The following PPM1L variants were observed in gnomAD, a reference collection of about 807,000 sequenced individuals.
The protein encoded by PPM1L is protein phosphatase 1L.
A neutral mutation model predicts 31.4 loss-of-function variants in PPM1L; 13 were observed. That is an observed-to-expected ratio of 0.41 (90% confidence interval 0.27 to 0.66). PPM1L has a LOEUF of 0.66. PPM1L is among the 30% of genes least tolerant of loss of function. The probability of loss-of-function intolerance (pLI) is 0.29; values close to 1 mark genes in which losing one functional copy is unlikely to be tolerated. For synonymous variants in PPM1L, 184 were observed against 175.4 expected, an observed-to-expected ratio of 1.05 and a Z score of -0.39; for missense variants, 326 against 453.7, an observed-to-expected ratio of 0.72 and a Z score of 2.56.
At chr3:160,918,137 T>G (rs1304402307) in intron 1 of PPM1L, among the ~76,000 whole-genome samples, 7 of 152,202 alleles carry the variant, frequency 4.6e-5, no homozygotes, top group Non-Finnish European at 1.0e-4. Flanking sequence ...CTCCCTTTGC[T>G]TATAATATCA....
At chr3:160,923,936 TTCTG>T (rs1050062896) in intron 1 of PPM1L, among the ~76,000 whole-genome samples, 23 of 152,224 alleles carry the variant, frequency 1.5e-4, no homozygotes, top group Admixed American at 3.3e-4. Flanking sequence ...AATGAACAAC[TTCTG>T]TCTATTATCT....
chr3:160,905,151 G>C (rs193129637), intron 1 of PPM1L, among the ~76,000 whole-genome samples: 162 of 152,238 alleles, frequency 1.1e-3, no homozygotes, highest in African/African-American at 3.8e-3. Context: ...TTGACTGTAT[G>C]ATTTGCTAAT....
chr3:161,002,898 CAT>C (rs1717550830), intron 2 of PPM1L, among the ~76,000 whole-genome samples: 1 of 145,270 alleles, frequency 6.9e-6, no homozygotes, highest in Non-Finnish European at 1.5e-5. Context: ...GTGTTTTAGA[CAT>C]GAAGTCCTTG....
chr3:161,048,362 A>T (rs1338804012), intron 2 of PPM1L, among the ~76,000 whole-genome samples: 1 of 152,218 alleles, frequency 6.6e-6, no homozygotes, highest in East Asian at 1.9e-4. Context: ...GAGAAATGCA[A>T]ATCAAAACCA....
intron 2 of PPM1L, among the ~76,000 whole-genome samples, chr3:160,968,510 C>T (rs528192688): frequency 1.3e-5 from 2 of 152,236 alleles, no homozygotes; most frequent in Admixed American, 1.3e-4. Context: ...GGAATCTTTC[C>T]TCATATTTAT....
chr3:160,874,638 G>A (rs1712445965), intron 1 of PPM1L, among the ~76,000 whole-genome samples: 1 of 152,126 alleles, frequency 6.6e-6, no homozygotes, highest in South Asian at 2.1e-4. Flanking sequence ...AGAGGTAGAG[G>A]GCTGTGTTCC....
intron 1 of PPM1L, among the ~76,000 whole-genome samples, chr3:160,757,583 C>T (rs1457444195): frequency 6.6e-6 from 1 of 152,264 alleles, no homozygotes; most frequent in Non-Finnish European, 1.5e-5. Flanking sequence ...TTAGGCAAAG[C>T]TTGGCTCTGG....
intron 1 of PPM1L, among the ~76,000 whole-genome samples, chr3:160,781,956 G>T (rs1290869720): frequency 1.3e-5 from 2 of 152,142 alleles, no homozygotes; most frequent in Non-Finnish European, 2.9e-5. Context: ...TTTTTGGCCA[G>T]TGTTTTGTTC....
In PPM1L at chr3:160,954,937, TTCCTTCCTTCCTTCCTTCC is replaced by T. The variant is rs1229843974; in HGVS notation, c.400-6797_400-6779del. Reference sequence around the variant, plus strand: ...CTTCCTTCCTTCTTTCCTTCCTTCCTTCCTTCCTTCCTTCCTTCCTTCCTTTCCTTTCCTTTCCTTTCCT... The same window carrying T: ...CTTCCTTCCTTCTTTCCTTCCTTCCTTTCCTTTCCTTTCCTTTCCTTTCCT... On this transcript the variant is annotated intron_variant, in intron 1 of 3. Transcript: ENST00000498165. Among the ~76,000 whole-genome samples, 169 of 62,958 alleles carry T rather than the reference TTCCTTCCTTCCTTCCTTCC, an allele frequency of 2.7e-3. 1 individual carries two copies. Among genetic ancestry groups the T allele is most frequent in the South Asian group, 0.015 (29 of 1,976 alleles). The allele number at this position is 62,958 out of a possible 152,430, so 41.3% of individuals were successfully genotyped here. A position where few individuals can be genotyped will look rare whatever the true frequency, so the allele number is the denominator to read the frequency against.
chr3:160,763,040 C>G (rs1299776174), intron 1 of PPM1L, among the ~76,000 whole-genome samples: 2 of 152,152 alleles, frequency 1.3e-5, no homozygotes, highest in African/African-American at 4.8e-5. Flanking sequence ...GATGCTGTCT[C>G]CATCTTGATG....
At chr3:160,880,258 A>T (rs1168000127) in intron 1 of PPM1L, among the ~76,000 whole-genome samples, 2 of 152,054 alleles carry the variant, frequency 1.3e-5, no homozygotes, top group Non-Finnish European at 2.9e-5. Context: ...GACATTAAGA[A>T]TTTTTTCTGT....
At chr3:161,012,848 G>A (rs1339099624) in intron 2 of PPM1L, among the ~76,000 whole-genome samples, 8 of 152,130 alleles carry the variant, frequency 5.3e-5, no homozygotes, top group Admixed American at 5.2e-4. Flanking sequence ...GTATTTCTGT[G>A]GGATCGGTGG....
At chr3:161,024,432 C>G (rs1191564974) in intron 2 of PPM1L, among the ~76,000 whole-genome samples, 1 of 152,136 alleles carries the variant, frequency 6.6e-6, no homozygotes, top group East Asian at 1.9e-4. Context: ...GGTGCAGTGG[C>G]TCATGCCTGT....
intron 1 of PPM1L, among the ~76,000 whole-genome samples, chr3:160,877,887 AG>A (rs1712572736): frequency 6.6e-6 from 1 of 152,128 alleles, no homozygotes; most frequent in African/African-American, 2.4e-5. Context: ...GGCAAGGAAG[AG>A]GGAAGATGGA....
chr3:160,834,019 A>ATT lies in PPM1L; in HGVS notation c.399+77333_399+77334dup, dbSNP rs78707253. 1.9e-3 allele frequency among the ~76,000 whole-genome samples: 246 copies of ATT among 128,692 alleles called. 1 individual carries two copies. The highest frequency in any genetic ancestry group is 4.6e-3 in the African/African-American group (152 of 33,338). The allele number at this position is 128,692 out of a possible 152,430, so 84.4% of individuals were successfully genotyped here. A position where few individuals can be genotyped will look rare whatever the true frequency, so the allele number is the denominator to read the frequency against. ...CATATGGCTAGCAGTTCTCCCAGGA[A>ATT]TTTTTTTTTTTTTTTTTTTTTTGAG... On this transcript the variant is annotated intron_variant, in intron 1 of 3. Coordinates refer to ENST00000498165, the MANE Select transcript of PPM1L (RefSeq NM_139245.4).
At chr3:160,819,102 A>G (rs1331047510) in intron 1 of PPM1L, among the ~76,000 whole-genome samples, 2 of 152,034 alleles carry the variant, frequency 1.3e-5, no homozygotes, top group African/African-American at 2.4e-5. Flanking sequence ...GTAGACAGTA[A>G]GCATTGAGCC....
chr3:160,982,145 G>A (rs1716820949), intron 2 of PPM1L, among the ~76,000 whole-genome samples: 3 of 152,146 alleles, frequency 2.0e-5, no homozygotes, highest in African/African-American at 7.2e-5. Context: ...CACCTGGATG[G>A]CTTTAGGATT....
intron 1 of PPM1L, among the ~76,000 whole-genome samples, chr3:160,835,975 T>C (rs918046548): frequency 4.9e-5 from 7 of 144,080 alleles, no homozygotes; most frequent in Non-Finnish European, 9.3e-5. Flanking sequence ...ATCCCATGAC[T>C]TCTTATCCTT....
intron 2 of PPM1L, among the ~76,000 whole-genome samples, chr3:160,962,152 T>C (rs947709345): frequency 9.9e-5 from 15 of 152,172 alleles, no homozygotes; most frequent in Non-Finnish European, 1.9e-4. Flanking sequence ...TTTGGCCTTT[T>C]ATTAACTGGG....
Sources: gnomAD v4.1 joint callset for allele counts (sites outside exome capture counted in the v4.1 genomes callset) on GRCh38, gnomAD v4.1.1 for gene constraint, MANE v1.5 for transcripts, NCBI Gene and HGNC (gene_info 2026-07-23, HGNC 2026-07-21) for gene names.